CHMP1A: variants seen among roughly 807,000 people sequenced by gnomAD.
The protein encoded by CHMP1A is charged multivesicular body protein 1A.
In CHMP1A, 17 loss-of-function variants were observed where a neutral mutation model predicts 27.0. The observed-to-expected ratio is 0.63, with a 90% CI of 0.43 to 0.95. The LOEUF is 0.95. Ranked by LOEUF, CHMP1A falls within the 40% of genes least tolerant of loss-of-function variation. The pLI, the probability that CHMP1A is intolerant of heterozygous loss-of-function variation, is 0.00. For synonymous variants in CHMP1A, 131 were observed against 107.5 expected, an observed-to-expected ratio of 1.22 and a Z score of -1.35; for missense variants, 275 against 264.0, an observed-to-expected ratio of 1.04 and a Z score of -0.29.
chr16:89,650,633 C>T (rs2059816944), intron 3 of CHMP1A, among the ~76,000 whole-genome samples: 2 of 152,114 alleles, frequency 1.3e-5, no homozygotes, highest in Admixed American at 6.6e-5. Context: ...CGGCGAAACC[C>T]CATCTCTACT....
In CHMP1A at chr16:89,657,539, C is replaced by T. The variant is rs752649394; in HGVS notation, c.7+43G>A. On this transcript the variant is annotated intron_variant, in intron 1 of 6. Coordinates refer to ENST00000397901, the MANE Select transcript of CHMP1A (RefSeq NM_002768.5). Reference sequence around the variant, plus strand: ...CCCACGCCAGTGGGAGAAGCGGCCCCGCCCCGCGCGCGAGTCCCCGGAGGA... The same window carrying T: ...CCCACGCCAGTGGGAGAAGCGGCCCTGCCCCGCGCGCGAGTCCCCGGAGGA... The T allele has an allele frequency of 1.9e-6, 3 of 1,607,552 alleles. No homozygotes were observed. The African/African-American group carries it at 4.0e-5, about 22-fold the overall frequency.
intron 3 of CHMP1A, 151 bp downstream of exon 3, chr16:89,651,418 T>C: frequency 1.7e-6 from 1 of 581,202 alleles, no homozygotes; most frequent in Non-Finnish European, 3.1e-6. Context: ...TATATATATA[T>C]GTACCTCAAG....
In CHMP1A at chr16:89,648,572, T is replaced by C. The variant is rs192756739; in HGVS notation, c.252+779A>G. 1.5e-4 allele frequency among the ~76,000 whole-genome samples: 23 copies of C among 152,284 alleles called. No individual in the cohort carries two copies. The East Asian group carries it at 4.4e-3, about 29-fold the overall frequency. ...AGCCTGGCCATGCAGGCTCTGCCTC[T>C]TGTGGGAGTTGCCAAGACCGAGGCC... On this transcript the variant is annotated intron_variant, in intron 4 of 6. Coordinates refer to ENST00000397901, the MANE Select transcript of CHMP1A (RefSeq NM_002768.5).
At position 89,645,971 on chromosome 16, in the gene CHMP1A, C is replaced by G; in HGVS notation, c.*95G>C. On this transcript the variant is annotated 3_prime_UTR_variant, in exon 7 of 7. Transcript: ENST00000397901. ...GCAGAGTGGCTGCCGGCCGCAGCCC[C>G]GCGGGGTCAGCACAAAGGCAAGACG... The G allele has an allele frequency of 1.2e-6, 2 of 1,611,728 alleles. No homozygotes were observed. Among genetic ancestry groups the G allele is most frequent in the Admixed American group, 3.3e-5 (2 of 59,858 alleles).
At chr16:89,648,850 C>T (rs1289807433) in intron 4 of CHMP1A, among the ~76,000 whole-genome samples, 1 of 112,568 alleles carries the variant, frequency 8.9e-6, no homozygotes, top group Non-Finnish European at 1.9e-5. Context: ...ACATAGACAC[C>T]CTGTCTCTAC....
At chr16:89,651,403 AAAT>A (rs1597789486) in intron 3 of CHMP1A, among the ~76,000 whole-genome samples, 163 bp downstream of exon 3, 6 of 151,126 alleles carry the variant, frequency 4.0e-5, no homozygotes, top group East Asian at 1.9e-4. Context: ...CAAACAAACA[AAAT>A]ATATATATAT....
chr16:89,651,649 G>T lies in CHMP1A; in HGVS notation c.28-3C>A. ...TTCTCCAGCTGCTTCGCCGTGAACT[G>T]AGCGGAAGCCGGAATGTCCTGGGTC... is the stretch of plus-strand genomic sequence containing the variant. On this transcript the variant is annotated splice_region_variant and splice_polypyrimidine_tract_variant and intron_variant, in intron 2 of 6. Coordinates refer to ENST00000397901, the MANE Select transcript of CHMP1A (RefSeq NM_002768.5). The T allele has an allele frequency of 1.2e-6, 2 of 1,613,464 alleles. No homozygotes were observed. Among genetic ancestry groups the T allele is most frequent in the Non-Finnish European group, 8.5e-7 (1 of 1,179,788 alleles).
At chr16:89,649,709 G>T in intron 3 of CHMP1A, 1 of 539,098 alleles carries the variant, frequency 1.9e-6, no homozygotes, top group Non-Finnish European at 3.2e-6. Context: ...CCGAGTAGTT[G>T]GGACTACAGG....
Position 89,647,188 on chromosome 16 carries a change from G to T in CHMP1A, c.381+15C>A. The T allele has an allele frequency of 1.2e-6, 2 of 1,607,272 alleles. No individual in the cohort carries two copies. The highest frequency in any genetic ancestry group is 1.7e-6 in the Non-Finnish European group (2 of 1,177,760). ...TTGTCCCCAGGCCACAGCCCCAAGGGTAGGGGCCACATACCGATGTATGGA... is the reference window on the plus strand; with the variant it reads ...TTGTCCCCAGGCCACAGCCCCAAGGTTAGGGGCCACATACCGATGTATGGA... On this transcript the variant is annotated intron_variant, in intron 5 of 6. Coordinates refer to ENST00000397901, the MANE Select transcript of CHMP1A (RefSeq NM_002768.5).
Position 89,647,347 on chromosome 16 carries a change from G to C in CHMP1A, c.253-16C>G. The C allele has an allele frequency of 1.2e-6, 2 of 1,601,104 alleles. No individual in the cohort carries two copies. Among genetic ancestry groups the C allele is most frequent in the Non-Finnish European group, 1.7e-6 (2 of 1,170,220 alleles). ...TCTTGGTCACCTGAGACAGGAGAGA[G>C]CGCAGGAGGGAACAGGATGAAAGGC... On this transcript the variant is annotated splice_polypyrimidine_tract_variant and intron_variant, in intron 4 of 6. Transcript: ENST00000397901.
chr16:89,646,789 G>A (rs535010905), intron 5 of CHMP1A, 75 bp from the exon 6 acceptor site: 12 of 1,478,078 alleles, frequency 8.1e-6, no homozygotes, highest in Non-Finnish European at 1.0e-5. Context: ...ACAAGGGTAC[G>A]ACTGCACTTT....
At chr16:89,653,875 GC>G (rs771261474) in intron 2 of CHMP1A, 28 bp downstream of exon 2, 2 of 1,610,350 alleles carry the variant, frequency 1.2e-6, no homozygotes, top group East Asian at 2.2e-5. Flanking sequence ...CCAGAACAGG[GC>G]TGGGGTGAAC....
intron 3 of CHMP1A, among the ~76,000 whole-genome samples, chr16:89,650,864 G>A (rs1488493570): frequency 6.6e-6 from 1 of 151,924 alleles, no homozygotes; most frequent in Non-Finnish European, 1.5e-5. Context: ...CCTGCAGATG[G>A]CAAAATCAAG....
intron 3 of CHMP1A, 156 bp from the exon 4 acceptor site, chr16:89,649,653 G>T: frequency 1.2e-6 from 1 of 808,904 alleles, no homozygotes; most frequent in East Asian, 2.9e-5. Context: ...TCGACTCAAC[G>T]CAAGCTCCGC....
At chr16:89,650,142 G>T (rs539766456) in intron 3 of CHMP1A, among the ~76,000 whole-genome samples, 3 of 152,160 alleles carry the variant, frequency 2.0e-5, no homozygotes, top group Non-Finnish European at 4.4e-5. Flanking sequence ...CACCGATTAC[G>T]CAGTTTTAAG....
chr16:89,656,997 G>T (rs1385641575), intron 1 of CHMP1A, among the ~76,000 whole-genome samples: 1 of 150,756 alleles, frequency 6.6e-6, no homozygotes, highest in East Asian at 2.0e-4. Context: ...CCCCGGGGAA[G>T]GCATACCGGG....
chr16:89,647,035 C>T lies in CHMP1A; in HGVS notation c.381+168G>A, dbSNP rs994194190. 6.6e-6 allele frequency: 10 copies of T among 1,522,798 alleles called. No homozygotes were observed. The African/African-American group carries it at 9.6e-5, about 15-fold the overall frequency. The allele number at this position is 1,522,798 out of a possible 1,614,324, so 94.3% of individuals were successfully genotyped here. ...GCCCCCGCCGCCCTGCCCACCCTAC[C>T]TGTCAGGGTCCTGGCAGGGACCCAG... is the stretch of plus-strand genomic sequence containing the variant. On this transcript the variant is annotated intron_variant, in intron 5 of 6. Transcript: ENST00000397901.
chr16:89,646,747 G>C (rs1429591349), intron 5 of CHMP1A, 33 bp from the exon 6 acceptor site: 4 of 1,597,006 alleles, frequency 2.5e-6, no homozygotes, highest in Non-Finnish European at 3.4e-6. Context: ...GACAACAGGT[G>C]GGGCCAGGCC....
chr16:89,650,781 G>A lies in CHMP1A; in HGVS notation c.105+788C>T, dbSNP rs566486788. Reference sequence around the variant, plus strand: ...AGACCGCACCTCTGCACTCCAGCCTGGGCAACAGCGAGACTCCATCTCAAA... The same window carrying A: ...AGACCGCACCTCTGCACTCCAGCCTAGGCAACAGCGAGACTCCATCTCAAA... On this transcript the variant is annotated intron_variant, in intron 3 of 6. Transcript: ENST00000397901. 2.1e-4 allele frequency among the ~76,000 whole-genome samples: 32 copies of A among 150,972 alleles called. No individual in the cohort carries two copies. The South Asian group carries it at 6.5e-3, about 31-fold the overall frequency.
Sources: allele counts gnomAD v4.1 joint callset (sites outside exome capture counted in the v4.1 genomes callset), GRCh38; gene constraint gnomAD v4.1.1; transcripts MANE v1.5; gene names NCBI Gene and HGNC (gene_info 2026-07-23, HGNC 2026-07-21).